The following YLPM1 variants were observed in gnomAD, a reference collection of about 807,000 sequenced individuals.
YLPM1 encodes YLP motif containing 1, also known as YLP motif-containing protein 1.
A neutral mutation model predicts 230.0 loss-of-function variants in YLPM1; 99 were observed. That is an observed-to-expected ratio of 0.43 (90% CI 0.37 to 0.51). The LOEUF is 0.51. Ranked by LOEUF, YLPM1 falls within the 20% of genes least tolerant of loss-of-function variation. The probability of loss-of-function intolerance (pLI) is 0.00; values close to 1 mark genes in which losing one functional copy is unlikely to be tolerated. For missense variants in YLPM1, 2,592 were observed against 2,707.7 expected, an observed-to-expected ratio of 0.96 and a Z score of 0.95; for synonymous variants, 984 against 942.5, an observed-to-expected ratio of 1.04 and a Z score of -0.81.
In YLPM1 at chr14:74,788,263, G is replaced by T. The variant is rs561801221; in HGVS notation, c.2282+5938G>T. ...AGCCTCCCAAGTAGCTGGAACTACA[G>T]GTGCCCACCGCCACGCCTGGCTAAT... On this transcript the variant is annotated intron_variant, in intron 4 of 20. Coordinates refer to ENST00000325680, the MANE Select transcript of YLPM1 (RefSeq NM_019589.3). 8.5e-5 allele frequency among the ~76,000 whole-genome samples: 13 copies of T among 152,140 alleles called. No homozygotes were observed. In the East Asian group the frequency reaches 2.3e-3, roughly 27 times the overall value.
chr14:74,799,789 T>A, intron 5 of YLPM1, 92 bp downstream of exon 5: 1 of 1,436,590 alleles, frequency 7.0e-7, no homozygotes, highest in Non-Finnish European at 9.1e-7. Context: ...ATGGAATCAT[T>A]TTACTTCAAG....
At chr14:74,784,775 A>G (rs540698437) in intron 4 of YLPM1, among the ~76,000 whole-genome samples, 8 of 152,312 alleles carry the variant, frequency 5.3e-5, no homozygotes, top group African/African-American at 1.9e-4. Context: ...TTATTTAAAA[A>G]CTATTACCCT....
chr14:74,802,111 G>C (rs931144250), intron 5 of YLPM1, among the ~76,000 whole-genome samples: 1 of 151,746 alleles, frequency 6.6e-6, no homozygotes, highest in Non-Finnish European at 1.5e-5. Flanking sequence ...CCAGCTACTC[G>C]GGAGGCTGAG....
chr14:74,810,359 C>G lies in YLPM1; in HGVS notation c.5167C>G (p.Arg1723Gly). 6.2e-7 allele frequency: 1 copy of G among 1,613,544 alleles called. No individual in the cohort carries two copies. Among genetic ancestry groups the G allele is most frequent in the Non-Finnish European group, 8.5e-7 (1 of 1,179,810 alleles). ...GACACATAGAGATCGAGACCGGGAT[C>G]GTGGTGTTATTGACTATGACCGGGA... ...RETHRDRDRD[R>G]GVIDYDRDRF... Residue 1723 changes from arginine (R) to glycine (G), a missense_variant, in exon 9 of 21, where the codon CGT becomes GGT. Physicochemically the swap from Arg to Gly is moderately radical, Grantham distance 125 (BLOSUM62 -2). Coordinates refer to ENST00000325680, the MANE Select transcript of YLPM1 (RefSeq NM_019589.3).
chr14:74,765,012 A>G (rs1287378030), intron 1 of YLPM1, among the ~76,000 whole-genome samples: 1 of 152,176 alleles, frequency 6.6e-6, no homozygotes, highest in Non-Finnish European at 1.5e-5. Flanking sequence ...CATATTATTT[A>G]AAGATTGTTT....
chr14:74,766,233 A>G (rs529259819), intron 1 of YLPM1, among the ~76,000 whole-genome samples: 1 of 152,300 alleles, frequency 6.6e-6, no homozygotes, highest in South Asian at 2.1e-4. Context: ...GACTTAGGAT[A>G]TGTTGGTTTA....
At chr14:74,814,157 T>G in intron 11 of YLPM1, among the ~76,000 whole-genome samples, 1 of 152,040 alleles carries the variant, frequency 6.6e-6, no homozygotes, top group Non-Finnish European at 1.5e-5. Context: ...GTCAGGAGAT[T>G]GAGACCATCC....
rs1334700420 is a variant in YLPM1, at chr14:74,828,080, T to G, written c.6164-1133T>G. On this transcript the variant is annotated intron_variant, in intron 18 of 20. Coordinates refer to ENST00000325680, the MANE Select transcript of YLPM1 (RefSeq NM_019589.3). ...CCAAGAATGCAAAATCTTACTGGTT[T>G]TTAAAGCTTGTAACAGTTGTGTGTA... 3 of 872,260 alleles carry G rather than the reference T, an allele frequency of 3.4e-6. No individual in the cohort carries two copies. In the African/African-American group the frequency reaches 5.5e-5, roughly 16 times the overall value. The allele number at this position is 872,260 out of a possible 1,614,324, so 54.0% of individuals were successfully genotyped here.
Position 74,798,613 on chromosome 14 carries a change from G to C in YLPM1, c.3316G>C (p.Ala1106Pro). The change falls in exon 5 of 21, where the codon GCT (alanine) becomes CCT (proline). Residue 1106 changes from alanine to proline, a missense_variant. By Grantham distance (27) the Ala-to-Pro change is conservative (BLOSUM62 -1). Coordinates refer to ENST00000325680, the MANE Select transcript of YLPM1 (RefSeq NM_019589.3). ...GLQGSQDRGA[A>P]GSRERGPPRR... ...TCAAGGGAGCCAGGACAGGGGTGCAGCTGGCAGCCGAGAAAGGGGACCACC... is the reference window on the plus strand; with the variant it reads ...TCAAGGGAGCCAGGACAGGGGTGCACCTGGCAGCCGAGAAAGGGGACCACC... The C allele has an allele frequency of 6.2e-7, 1 of 1,612,326 alleles. No homozygotes were observed. The highest frequency in any genetic ancestry group is 8.5e-7 in the Non-Finnish European group (1 of 1,178,856).
chr14:74,780,275 C>G (rs761257006), intron 2 of YLPM1, 130 bp from the exon 3 acceptor site: 1 of 1,142,344 alleles, frequency 8.8e-7, no homozygotes, highest in Admixed American at 2.9e-5. Flanking sequence ...CCAAAAAGAA[C>G]TGAAGATACT....
Position 74,764,160 on chromosome 14 carries a change from A to G in YLPM1, c.671A>G (p.Tyr224Cys), listed in dbSNP as rs2090885269. The G allele has an allele frequency of 8.1e-6, 13 of 1,611,866 alleles. No individual in the cohort carries two copies. The highest frequency in any genetic ancestry group is 2.7e-5 in the African/African-American group (2 of 74,100). The change falls in exon 1 of 21, where the codon TAC (tyrosine) becomes TGC (cysteine). Residue 224 changes from tyrosine (Y) to cysteine (C), a missense_variant. Tyr to Cys is a radical substitution (Grantham distance 194). This residue lies in a region of YLPM1 where 1,862 missense variants were observed against 1,819.8 expected (regional missense o/e 1.02). Transcript: ENST00000325680. Reference sequence around the variant, plus strand: ...TCCTATTTGAGCCATTCCCAGTCCTACTTGCCCTCTTCTCAGGCATCTCCT... The same window carrying G: ...TCCTATTTGAGCCATTCCCAGTCCTGCTTGCCCTCTTCTCAGGCATCTCCT... Reference protein sequence around the residue: ...SQSYLSHSQSYLPSSQASPSR... With the variant: ...SQSYLSHSQSCLPSSQASPSR...
chr14:74,784,222 T>G (rs1319318012), intron 4 of YLPM1, among the ~76,000 whole-genome samples: 2 of 152,248 alleles, frequency 1.3e-5, no homozygotes, highest in African/African-American at 4.8e-5. Flanking sequence ...TCTCTTTGCC[T>G]ACTAAATCTT....
In YLPM1 at chr14:74,811,622, C is replaced by G; in HGVS notation, c.5231C>G (p.Ala1744Gly). 5 of 1,606,768 alleles carry G rather than the reference C, an allele frequency of 3.1e-6. No homozygotes were observed. Among genetic ancestry groups the G allele is most frequent in the Non-Finnish European group, 4.2e-6 (5 of 1,176,928 alleles). The change falls in exon 10 of 21, where the codon GCT becomes GGT. Residue 1744 changes from alanine to glycine, a missense_variant and splice_region_variant. By Grantham distance (60) the Ala-to-Gly change is moderately conservative. Around this residue, in one of 4 missense-constraint regions of YLPM1, gnomAD observed 403 missense variants for 426.7 expected, o/e 0.94. Coordinates refer to ENST00000325680, the MANE Select transcript of YLPM1 (RefSeq NM_019589.3). The part of the protein sequence containing the change: ...DRERRPRDDR[A>G]QSYRDKKDHS... The stretch of plus-strand genomic sequence containing the variant: ...GCGCTTCCTATTACACCTTCTAGAG[C>G]TCAGTCATATCGAGACAAAAAAGAC...
intron 20 of YLPM1, among the ~76,000 whole-genome samples, 163 bp downstream of exon 20, chr14:74,835,610 A>C (rs1410425265): frequency 1.3e-5 from 2 of 152,206 alleles, no homozygotes; most frequent in Non-Finnish European, 2.9e-5. Context: ...ATACTATTAG[A>C]AAAGGAAGCC....
rs761908397 is a variant in YLPM1, at chr14:74,812,715, A to G, written c.5435A>G (p.Lys1812Arg). 1.9e-6 allele frequency: 3 copies of G among 1,613,668 alleles called. No individual in the cohort carries two copies. Among genetic ancestry groups the G allele is most frequent in the South Asian group, 1.1e-5 (1 of 90,974 alleles). The part of the protein sequence containing the change: ...HQPPPAPRVE[K>R]KPESKNVDDI... ...CCTCCTCCAGCTCCACGAGTCGAGA[A>G]GAAGCCTGAATCAAAGAATGTGGAC... Residue 1812 changes from lysine (K) to arginine (R), a missense_variant, in exon 11 of 21, where the codon AAG (lysine) becomes AGG (arginine). Around this residue, in one of 4 missense-constraint regions of YLPM1, gnomAD observed 315 missense variants for 429.3 expected, o/e 0.73. Coordinates refer to ENST00000325680, the MANE Select transcript of YLPM1 (RefSeq NM_019589.3).
chr14:74,816,179 T>G (rs200938378), intron 11 of YLPM1, 24 bp from the exon 12 acceptor site: 4 of 1,561,138 alleles, frequency 2.6e-6, no homozygotes, highest in Non-Finnish European at 3.5e-6. Context: ...GATTTTTTTT[T>G]TTTTTTGGTC....
rs1566760556 is a variant in YLPM1, at chr14:74,812,621, A to C, written c.5348-7A>C. 81 of 1,609,396 alleles carry C rather than the reference A, an allele frequency of 5.0e-5. 1 individual carries two copies. The highest frequency in any genetic ancestry group is 6.9e-5 in the Non-Finnish European group (81 of 1,178,036). On this transcript the variant is annotated splice_polypyrimidine_tract_variant and splice_region_variant and intron_variant, in intron 10 of 20. Coordinates refer to ENST00000325680, the MANE Select transcript of YLPM1 (RefSeq NM_019589.3). ...ATAGTAATTTTGTTCAACTGCTGGA[A>C]TCCTAGGAGAACGAAGGACTTATCC...
intron 4 of YLPM1, among the ~76,000 whole-genome samples, chr14:74,796,283 G>T (rs2091260056): frequency 6.6e-6 from 1 of 152,102 alleles, no homozygotes; most frequent in Non-Finnish European, 1.5e-5. Flanking sequence ...CAGCTCTCTT[G>T]ACTCTGTTTC....
intron 5 of YLPM1, 31 bp downstream of exon 5, chr14:74,799,728 A>T (rs748335528): frequency 1.3e-6 from 2 of 1,553,866 alleles, no homozygotes; most frequent in South Asian, 1.2e-5. Flanking sequence ...CCTTTCTTTT[A>T]ATAAAAACCA....
Sources: allele counts gnomAD v4.1 joint callset (sites outside exome capture counted in the v4.1 genomes callset), GRCh38; gene constraint gnomAD v4.1.1; regional missense constraint gnomAD v4.1.1; transcripts MANE v1.5; gene names NCBI Gene and HGNC (gene_info 2026-07-23, HGNC 2026-07-21).